NUP98: variants seen among roughly 807,000 people sequenced by gnomAD.
NUP98 encodes the protein nucleoporin 98 and 96 precursor, also known as nuclear pore complex protein Nup98-Nup96.
In NUP98, 26 loss-of-function variants were observed where a neutral mutation model predicts 191.9. The ratio of observed to expected loss-of-function variants is 0.14; its 90% CI spans 0.10 to 0.19. NUP98 has a LOEUF of 0.19. NUP98 is among the 10% of genes least tolerant of loss of function. The probability of loss-of-function intolerance (pLI) is 1.00; values close to 1 mark genes in which losing one functional copy is unlikely to be tolerated. For missense variants in NUP98, 1,941 were observed against 2,178.8 expected (o/e 0.89, Z 2.17); for synonymous variants, 808 against 778.4 (o/e 1.04, Z -0.63).
chr11:3,685,978 G>C lies in NUP98; in HGVS notation c.4671C>G (p.Asn1557Lys). Residue 1557 changes from asparagine (N) to lysine (K), a missense_variant, in exon 29 of 33, where the codon AAC becomes AAG. By Grantham distance (94) the Asn-to-Lys change is moderately conservative (BLOSUM62 0). Transcript: ENST00000324932. ...WAIFVLLHID[N>K]SGIREKAVRE... ...TTCAACGGCTTCTCACTCACCCTGA[G>C]TTGTCAATGTGCAGGAGGACAAAGA... 1 of 1,613,610 alleles carries C rather than the reference G, an allele frequency of 6.2e-7. No individual in the cohort carries two copies. Among genetic ancestry groups the C allele is most frequent in the Non-Finnish European group, 8.5e-7 (1 of 1,179,830 alleles).
intron 11 of NUP98, among the ~76,000 whole-genome samples, chr11:3,745,501 T>C (rs2080457658): frequency 1.3e-5 from 2 of 152,174 alleles, no homozygotes. Flanking sequence ...CCGGTGGTGA[T>C]TTTAGAAGTG....
At chr11:3,710,018 G>A (rs1225390022) in intron 20 of NUP98, among the ~76,000 whole-genome samples, 6 of 145,866 alleles carry the variant, frequency 4.1e-5, no homozygotes, top group Admixed American at 1.4e-4. Flanking sequence ...AAAAAAGGCT[G>A]AGGTAAAAAC....
intron 23 of NUP98, 28 bp from the exon 24 acceptor site, chr11:3,700,867 G>C (rs748934379): frequency 1.0e-5 from 15 of 1,506,448 alleles, no homozygotes; most frequent in Non-Finnish European, 1.4e-5. Flanking sequence ...GAATAGAATA[G>C]AAAATGAACC....
chr11:3,785,655 T>C (rs745431860), intron 1 of NUP98, among the ~76,000 whole-genome samples: 2 of 151,998 alleles, frequency 1.3e-5, no homozygotes, highest in African/African-American at 2.4e-5. Context: ...GCTACTCGGG[T>C]GGCTAAGGCA....
At chr11:3,760,487 C>T (rs780831409) in intron 10 of NUP98, 52 bp downstream of exon 10, 1 of 1,613,810 alleles carries the variant, frequency 6.2e-7, no homozygotes, top group Non-Finnish European at 8.5e-7. Context: ...TTTATATGTA[C>T]CAAAATTAGA....
chr11:3,720,354 A>T (rs1309522035), intron 17 of NUP98, among the ~76,000 whole-genome samples: 1 of 152,128 alleles, frequency 6.6e-6, no homozygotes, highest in Non-Finnish European at 1.5e-5. Context: ...AGAAAATTAA[A>T]ATGACCCAAA....
intron 20 of NUP98, among the ~76,000 whole-genome samples, chr11:3,709,968 T>A: frequency 1.1e-5 from 1 of 87,916 alleles, no homozygotes; most frequent in Admixed American, 1.3e-4. Context: ...AAACTTAAAG[T>A]ACAATAATAA....
intron 1 of NUP98, among the ~76,000 whole-genome samples, chr11:3,788,959 CA>C (rs201385373): frequency 2.0e-5 from 3 of 150,008 alleles, no homozygotes; most frequent in Admixed American, 2.0e-4. Context: ...AAAAAACAAC[CA>C]AAAAAAAACC....
intron 30 of NUP98, 116 bp downstream of exon 30, chr11:3,683,084 G>T: frequency 6.9e-7 from 1 of 1,451,600 alleles, no homozygotes; most frequent in Non-Finnish European, 9.3e-7. Flanking sequence ...AGTATGATTT[G>T]ATTCAAGATG....
At chr11:3,733,804 T>C (rs888804654) in intron 13 of NUP98, among the ~76,000 whole-genome samples, 3 of 152,228 alleles carry the variant, frequency 2.0e-5, no homozygotes, top group Non-Finnish European at 4.4e-5. Context: ...AGTGCTTGTA[T>C]GTCTGATGTT....
At chr11:3,773,871 G>A in intron 5 of NUP98, 132 bp from the exon 6 acceptor site, 1 of 534,792 alleles carries the variant, frequency 1.9e-6, no homozygotes. Flanking sequence ...TTTCAAGGGT[G>A]CTTGATTAAA....
At chr11:3,749,391 G>A (rs1374487721) in intron 11 of NUP98, among the ~76,000 whole-genome samples, 1 of 152,172 alleles carries the variant, frequency 6.6e-6, no homozygotes, top group Non-Finnish European at 1.5e-5. Flanking sequence ...TTGGGAGGCC[G>A]AGGCTGGTGG....
intron 1 of NUP98, 70 bp downstream of exon 1, chr11:3,797,330 G>GCGTC (rs1730279071): frequency 2.5e-6 from 1 of 399,534 alleles, no homozygotes; most frequent in African/African-American, 2.1e-5. Flanking sequence ...GACGCCCCGC[G>GCGTC]CGTCCGCCCG....
chr11:3,729,229 A>G (rs1410737824), intron 14 of NUP98, among the ~76,000 whole-genome samples: 1 of 152,120 alleles, frequency 6.6e-6, no homozygotes, highest in Non-Finnish European at 1.5e-5. Flanking sequence ...ATAAAATGTG[A>G]TCAACAACTG....
chr11:3,756,631 C>A (rs1165235111), intron 10 of NUP98, among the ~76,000 whole-genome samples: 1 of 42 alleles, frequency 0.024, no homozygotes, highest in East Asian at 0.25. Context: ...CCATGCTGGC[C>A]AGTCTATCTC....
chr11:3,711,519 T>C (rs2079022439), intron 20 of NUP98: 2 of 153,018 alleles, frequency 1.3e-5, no homozygotes, highest in East Asian at 3.7e-4. Context: ...TCCTACATAT[T>C]ACTTTTGTTA....
At chr11:3,681,205 T>C (rs2077973813) in intron 30 of NUP98, among the ~76,000 whole-genome samples, 1 of 152,046 alleles carries the variant, frequency 6.6e-6, no homozygotes, top group Non-Finnish European at 1.5e-5. Flanking sequence ...CATGCTCAGC[T>C]AATTTTTGTA....
intron 13 of NUP98, among the ~76,000 whole-genome samples, chr11:3,732,517 G>C (rs966224197): frequency 4.6e-5 from 7 of 152,094 alleles, no homozygotes; most frequent in African/African-American, 1.7e-4. Flanking sequence ...CAACTTCTAT[G>C]TAATGCAAGT....
intron 27 of NUP98, among the ~76,000 whole-genome samples, chr11:3,691,850 G>C (rs113042317): frequency 6.6e-6 from 1 of 151,942 alleles, no homozygotes; most frequent in African/African-American, 2.4e-5. Context: ...GACCGCACCC[G>C]GCCTAGATGC....
Sources: gnomAD v4.1 joint callset for allele counts (sites outside exome capture counted in the v4.1 genomes callset) on GRCh38, gnomAD v4.1.1 for gene constraint, MANE v1.5 for transcripts, NCBI Gene and HGNC (gene_info 2026-07-23, HGNC 2026-07-21) for gene names.